The following ZNF462 variants were observed in gnomAD, a reference collection of about 807,000 sequenced individuals.
The protein encoded by ZNF462 is zinc finger protein 462, also known as zinc finger PBX1-interacting protein.
A neutral mutation model predicts 201.9 loss-of-function variants in ZNF462; 10 were observed. The observed-to-expected ratio is 0.05, with a 90% confidence interval of 0.03 to 0.08. The LOEUF is 0.08. Ranked by LOEUF, ZNF462 falls within the 10% of genes least tolerant of loss-of-function variation. The pLI is 1.00. For synonymous variants in ZNF462, 1,227 were observed against 1,193.3 expected (o/e 1.03, Z -0.58); for missense variants, 2,523 against 3,168.3 (o/e 0.80, Z 4.89).
rs1005758555 is a variant in ZNF462 at position 106,938,100 on chromosome 9, G to A, written c.6236-816G>A. Among the ~76,000 whole-genome samples the A allele has an allele frequency of 6.6e-6, 1 of 152,126 alleles. No individual in the cohort carries two copies. The highest frequency in any genetic ancestry group is 1.5e-5 in the Non-Finnish European group (1 of 68,016). On this transcript the variant is annotated intron_variant, in intron 6 of 12. Coordinates refer to ENST00000277225, the MANE Select transcript of ZNF462 (RefSeq NM_021224.6). This position sits in a 1 kb window ranked among gnomAD's most constrained non-coding sequence, Gnocchi z 4.4. The stretch of plus-strand genomic sequence containing the variant: ...TAATTAATTTAACAGGTAATATATG[G>A]CGAAGGTAAATCACACTTTAACTTA...
At chr9:106,948,886 G>A (rs1831223405) in intron 7 of ZNF462, among the ~76,000 whole-genome samples, 1 of 151,684 alleles carries the variant, frequency 6.6e-6, no homozygotes, top group African/African-American at 2.4e-5. Context: ...TATATTTAAG[G>A]TGGGATTCTC....
At chr9:106,999,324 G>A (rs866252446) in intron 10 of ZNF462, among the ~76,000 whole-genome samples, 84 of 152,176 alleles carry the variant, frequency 5.5e-4, no homozygotes, top group African/African-American at 2.0e-3. Context: ...AAATATATGG[G>A]AACTTTTATA....
intron 1 of ZNF462, among the ~76,000 whole-genome samples, chr9:106,879,501 G>C (rs1287986108): frequency 1.3e-5 from 2 of 152,080 alleles, no homozygotes; most frequent in Non-Finnish European, 2.9e-5. Flanking sequence ...ACACATGTAG[G>C]GCGGGCAAAG....
chr9:106,947,771 C>G (rs575148979), intron 7 of ZNF462, among the ~76,000 whole-genome samples: 1 of 152,180 alleles, frequency 6.6e-6, no homozygotes, highest in East Asian at 1.9e-4. Context: ...GAGCCTGTGC[C>G]CTTGAACTTT....
chr9:106,932,635 G>C lies in ZNF462; in HGVS notation c.6116+86G>C. On this transcript the variant is annotated intron_variant, in intron 5 of 12. Transcript: ENST00000277225. This position sits in a 1 kb window ranked among gnomAD's most constrained non-coding sequence, Gnocchi z 6.8. ...TAAGCTAAAGCAGAAGCTTGGATGA[G>C]TAAGAAGGCCCCACTCATGGTTCAC... 2 of 1,557,326 alleles carry C rather than the reference G, an allele frequency of 1.3e-6. No homozygotes were observed. The highest frequency in any genetic ancestry group is 1.8e-6 in the Non-Finnish European group (2 of 1,139,312).
In ZNF462 at chr9:106,870,310, G is replaced by T. The variant is rs1242004024; in HGVS notation, c.-31+6955G>T. Among the ~76,000 whole-genome samples, 1 of 151,918 alleles carries T rather than the reference G, an allele frequency of 6.6e-6. No individual in the cohort carries two copies. Among genetic ancestry groups the T allele is most frequent in the Non-Finnish European group, 1.5e-5 (1 of 67,974 alleles). Reference sequence around the variant, plus strand: ...TATTCTTGGAGGGAAGGTTTTTTTTGTGTGCCAGGTCATGGGTATTTTGGT... The same window carrying T: ...TATTCTTGGAGGGAAGGTTTTTTTTTTGTGCCAGGTCATGGGTATTTTGGT... On this transcript the variant is annotated intron_variant, in intron 1 of 12. Transcript: ENST00000277225. This position sits in a 1 kb window ranked among gnomAD's most constrained non-coding sequence, Gnocchi z 4.3.
At chr9:106,964,383 C>T (rs141224296) in intron 7 of ZNF462, among the ~76,000 whole-genome samples, 1 of 151,950 alleles carries the variant, frequency 6.6e-6, no homozygotes, top group Non-Finnish European at 1.5e-5. Context: ...TTTCAAAATG[C>T]CTTAAGCATT....
At position 106,938,822 on chromosome 9, in the gene ZNF462, G is replaced by A. The variant is rs896761837; in HGVS notation, c.6236-94G>A. 2.3e-6 allele frequency: 3 copies of A among 1,313,044 alleles called. No individual in the cohort carries two copies. In the Admixed American group the frequency reaches 7.4e-5, roughly 32 times the overall value. The allele number at this position is 1,313,044 out of a possible 1,614,324, so 81.3% of individuals were successfully genotyped here. A position where few individuals can be genotyped will look rare whatever the true frequency, so the allele number is the denominator to read the frequency against. On this transcript the variant is annotated intron_variant, in intron 6 of 12. Coordinates refer to ENST00000277225, the MANE Select transcript of ZNF462 (RefSeq NM_021224.6). The surrounding 1 kb of genome is among the most constrained non-coding windows in gnomAD (Gnocchi z 4.4). ...ATGAAGCTTGAGATGCGCTTCTCTA[G>A]CATGAGTTAACTGAGTTATCTTGTT...
At position 106,880,752 on chromosome 9, in the gene ZNF462, T is replaced by G. The variant is rs1321846782; in HGVS notation, c.-31+17397T>G. The stretch of plus-strand genomic sequence containing the variant: ...AGTATAAGGGAAAAGTAAAACATTT[T>G]GGTTCCTTTGTGAATTAAAAAGGAA... On this transcript the variant is annotated intron_variant, in intron 1 of 12. Transcript: ENST00000277225. This position sits in a 1 kb window ranked among gnomAD's most constrained non-coding sequence, Gnocchi z 4.1. Among the ~76,000 whole-genome samples the G allele has an allele frequency of 1.3e-5, 2 of 152,244 alleles. No individual in the cohort carries two copies. Among genetic ancestry groups the G allele is most frequent in the African/African-American group, 4.8e-5 (2 of 41,462 alleles).
Position 106,865,230 on chromosome 9 carries a change from C to T in ZNF462, c.-31+1875C>T, listed in dbSNP as rs1432549060. Among the ~76,000 whole-genome samples, 1 of 152,036 alleles carries T rather than the reference C, an allele frequency of 6.6e-6. No homozygotes were observed. Among genetic ancestry groups the T allele is most frequent in the Non-Finnish European group, 1.5e-5 (1 of 68,022 alleles). ...AATTTTTTTTCTCCTTTTGAGTGGA[C>T]CTGAAGGGTTTTGACCTCCTTCAGG... On this transcript the variant is annotated intron_variant, in intron 1 of 12. Transcript: ENST00000277225. This position sits in a 1 kb window ranked among gnomAD's most constrained non-coding sequence, Gnocchi z 4.1.
rs1305582206 is a variant in ZNF462 at position 106,972,099 on chromosome 9, G to A, written c.6522G>A (p.Val2174=). The part of the protein sequence containing the change: ...LARNNSRVSP[V]PLSGAAAGTE... ...GGAACAACAGCCGTGTTAGCCCTGT[G>A]CCTCTTTCTGGGGCTGCTGCTGGCA... Residue 2174 remains valine, a synonymous_variant, in exon 8 of 13, where the codon GTG becomes GTA. Transcript: ENST00000277225. The surrounding 1 kb of genome is among the most constrained non-coding windows in gnomAD (Gnocchi z 4.8). 6 of 1,614,180 alleles carry A rather than the reference G, an allele frequency of 3.7e-6. No individual in the cohort carries two copies. The highest frequency in any genetic ancestry group is 5.1e-6 in the Non-Finnish European group (6 of 1,180,034).
Position 106,917,959 on chromosome 9 carries a change from C to G in ZNF462, c.-30-5395C>G, listed in dbSNP as rs1829844339. Among the ~76,000 whole-genome samples, 2 of 151,478 alleles carry G rather than the reference C, an allele frequency of 1.3e-5. No homozygotes were observed. Among genetic ancestry groups the G allele is most frequent in the South Asian group, 4.2e-4 (2 of 4,774 alleles). On this transcript the variant is annotated intron_variant, in intron 1 of 12. Transcript: ENST00000277225. This position sits in a 1 kb window ranked among gnomAD's most constrained non-coding sequence, Gnocchi z 4.5. ...TGGCGCGATCTCGGCTCACTGCAAC[C>G]TTCTTCTCCCGGGTTCAAGCAATTC...
rs1291600293 is a variant in ZNF462, at chr9:106,954,347, G to A, written c.6427+15240G>A. Among the ~76,000 whole-genome samples, 2 of 151,994 alleles carry A rather than the reference G, an allele frequency of 1.3e-5. No individual in the cohort carries two copies. Among genetic ancestry groups the A allele is most frequent in the Admixed American group, 6.6e-5 (1 of 15,238 alleles). On this transcript the variant is annotated intron_variant, in intron 7 of 12. Transcript: ENST00000277225. This position sits in a 1 kb window ranked among gnomAD's most constrained non-coding sequence, Gnocchi z 4.0. ...GATGTGCCATACTTCTAAACCATCA[G>A]ATCTTGTGATAACTCACTTACTGTC...
In ZNF462 at chr9:106,927,842, T is replaced by C; in HGVS notation, c.3930T>C (p.Ala1310=). Residue 1310 remains alanine, a synonymous_variant, in exon 3 of 13, where the codon GCT becomes GCC. Coordinates refer to ENST00000277225, the MANE Select transcript of ZNF462 (RefSeq NM_021224.6). ...CATTTCTAGATGGCTTGATAGAAGC[T>C]GGCTACCACTGCGAGTGGTGCATCT... The part of the protein sequence containing the change: ...RWAFLDGLIE[A]GYHCEWCIYS... 1 of 1,614,176 alleles carries C rather than the reference T, an allele frequency of 6.2e-7. No homozygotes were observed. Among genetic ancestry groups the C allele is most frequent in the Non-Finnish European group, 8.5e-7 (1 of 1,180,046 alleles).
chr9:106,976,963 ACT>A (rs1244697523), intron 9 of ZNF462, among the ~76,000 whole-genome samples: 6 of 152,004 alleles, frequency 3.9e-5, no homozygotes, highest in African/African-American at 1.5e-4. Flanking sequence ...ACCAGGCGTC[ACT>A]CTCTCACCCT....
Position 106,890,507 on chromosome 9 carries a change from AAC to A in ZNF462, c.-31+27154_-31+27155del, listed in dbSNP as rs1453083942. The stretch of plus-strand genomic sequence containing the variant: ...CTGCAGTTCTTTCTCTGTGTCCACA[AAC>A]ATGGTTTTACACTTGGATGATGTAG... On this transcript the variant is annotated intron_variant, in intron 1 of 12. Coordinates refer to ENST00000277225, the MANE Select transcript of ZNF462 (RefSeq NM_021224.6). The surrounding 1 kb of genome is among the most constrained non-coding windows in gnomAD (Gnocchi z 4.2). 1.3e-5 allele frequency among the ~76,000 whole-genome samples: 2 copies of A among 152,346 alleles called. No homozygotes were observed. The highest frequency in any genetic ancestry group is 3.9e-4 in the East Asian group (2 of 5,188).
At chr9:106,863,067 A>AGGAGAGAGAGGGGAGAGAGAGAGTGAGAG, upstream of ZNF462, 1 of 382,438 alleles carries the variant, frequency 2.6e-6, no homozygotes, top group Non-Finnish European at 4.6e-6. Flanking sequence ...GAGAGAGAAG[A>AGGAGAGAGAGGGGAGAGAGAGAGTGAGAG]GGAGAGAGAG....
chr9:106,979,936 G>A (rs999845626), intron 9 of ZNF462, among the ~76,000 whole-genome samples: 4 of 152,162 alleles, frequency 2.6e-5, no homozygotes, highest in African/African-American at 9.7e-5. Flanking sequence ...ATAGACAAAT[G>A]CCGCATTTAA....
In ZNF462 at chr9:107,008,033, TG is replaced by T. The variant is rs1318242153; in HGVS notation, c.7190-1510del. ...CTAAATGCAAGTGCCGGACTGAATATGGACACGCTGCAGGTCCTGCCTAGGA... is the reference window on the plus strand; with the variant it reads ...CTAAATGCAAGTGCCGGACTGAATATGACACGCTGCAGGTCCTGCCTAGGA... On this transcript the variant is annotated intron_variant, in intron 11 of 12. Coordinates refer to ENST00000277225, the MANE Select transcript of ZNF462 (RefSeq NM_021224.6). This position sits in a 1 kb window ranked among gnomAD's most constrained non-coding sequence, Gnocchi z 4.8. 2.0e-5 allele frequency among the ~76,000 whole-genome samples: 3 copies of T among 152,104 alleles called. No homozygotes were observed. The highest frequency in any genetic ancestry group is 4.4e-5 in the Non-Finnish European group (3 of 68,010).
Sources: gnomAD v4.1 joint callset for allele counts (sites outside exome capture counted in the v4.1 genomes callset) on GRCh38, gnomAD v4.1.1 for gene constraint, Gnocchi (gnomAD v3.1) non-coding constraint, MANE v1.5 for transcripts, NCBI Gene and HGNC (gene_info 2026-07-23, HGNC 2026-07-21) for gene names.